CNTNAP3: variants seen among roughly 807,000 people sequenced by gnomAD.
CNTNAP3 encodes the protein contactin associated protein family member 3.
Under a neutral mutation model 92.1 loss-of-function variants are expected in CNTNAP3, and 36 were observed. That is an observed-to-expected ratio of 0.39 (90% CI 0.30 to 0.52). The LOEUF (loss-of-function observed/expected upper bound fraction) is 0.52, where lower values mean the gene tolerates loss of function less well. CNTNAP3 is among the 20% of genes least tolerant of loss of function. The pLI is 0.76. For synonymous variants in CNTNAP3, 232 were observed against 422.3 expected, an observed-to-expected ratio of 0.55 and a Z score of 5.53; for missense variants, 534 against 1,069.6, an observed-to-expected ratio of 0.50 and a Z score of 6.98.
Position 39,072,516 on chromosome 9 carries a change from G to C in CNTNAP3, c.*1374C>G, listed in dbSNP as rs1825651681. Among the ~76,000 whole-genome samples the C allele has an allele frequency of 6.7e-6, 1 of 150,174 alleles. No homozygotes were observed. The highest frequency in any genetic ancestry group is 2.5e-5 in the African/African-American group (1 of 40,458). On this transcript the variant is annotated 3_prime_UTR_variant, in exon 24 of 24. Coordinates refer to ENST00000297668, the MANE Select transcript of CNTNAP3 (RefSeq NM_033655.5). The stretch of plus-strand genomic sequence containing the variant: ...TTCCAATCCTTTGCTGTCTTAGTGT[G>C]TATGTAAACCTTAATGAGACATGTT...
chr9:39,138,360 C>G (rs1273511778), intron 12 of CNTNAP3, among the ~76,000 whole-genome samples: 2 of 152,140 alleles, frequency 1.3e-5, no homozygotes, highest in African/African-American at 4.8e-5. Context: ...AAGAGCTTCT[C>G]AGCCCTCCCT....
intron 12 of CNTNAP3, among the ~76,000 whole-genome samples, chr9:39,136,545 G>A (rs1011487667): frequency 2.6e-5 from 4 of 152,140 alleles, no homozygotes; most frequent in East Asian, 1.9e-4. Context: ...AAGAGAAGTC[G>A]CTGTAATACT....
At chr9:39,104,339 C>T (rs7855742) in intron 15 of CNTNAP3, among the ~76,000 whole-genome samples, 4 of 151,440 alleles carry the variant, frequency 2.6e-5, no homozygotes, top group East Asian at 3.9e-4. Flanking sequence ...GAGGCAGGTT[C>T]GAGCAGCAGC....
chr9:39,085,155 GATT>G (rs1222638871), intron 21 of CNTNAP3: 1 of 145,924 alleles, frequency 6.9e-6, no homozygotes, highest in African/African-American at 2.5e-5. Flanking sequence ...TTTTACAACA[GATT>G]ATGATAGACA....
chr9:39,077,506 G>A (rs1292779524), intron 23 of CNTNAP3, among the ~76,000 whole-genome samples: 2 of 152,026 alleles, frequency 1.3e-5, no homozygotes, highest in Non-Finnish European at 2.9e-5. Context: ...GCAGTAAGTC[G>A]AGATTGCTTC....
Position 39,069,547 on chromosome 9 carries a change from G to T in CNTNAP3, c.*4343C>A, listed in dbSNP as rs1460624590. On this transcript the variant is annotated 3_prime_UTR_variant, in exon 24 of 24. Coordinates refer to ENST00000297668, the MANE Select transcript of CNTNAP3 (RefSeq NM_033655.5). ...AAAATATATAATGGCACAATAAAATGCAAAAATATAATTTTAGGTCATAAC... is the reference window on the plus strand; with the variant it reads ...AAAATATATAATGGCACAATAAAATTCAAAAATATAATTTTAGGTCATAAC... 1.1e-4 allele frequency among the ~76,000 whole-genome samples: 16 copies of T among 151,826 alleles called. No individual in the cohort carries two copies. Among genetic ancestry groups the T allele is most frequent in the Non-Finnish European group, 2.1e-4 (14 of 67,968 alleles).
intron 10 of CNTNAP3, among the ~76,000 whole-genome samples, chr9:39,147,114 C>A (rs1488315748): frequency 1.3e-5 from 2 of 152,124 alleles, no homozygotes; most frequent in Admixed American, 1.3e-4. Flanking sequence ...CCATGTAAGA[C>A]GTGTCTTGAT....
intron 17 of CNTNAP3, among the ~76,000 whole-genome samples, 179 bp from the exon 18 acceptor site, chr9:39,100,329 T>A (rs957747304): frequency 2.0e-5 from 3 of 152,232 alleles, no homozygotes; most frequent in Non-Finnish European, 4.4e-5. Flanking sequence ...TTAAATGACA[T>A]TGAATAAAAC....
At chr9:39,148,250 ACTC>A (rs1427758256) in intron 10 of CNTNAP3, among the ~76,000 whole-genome samples, 2 of 151,880 alleles carry the variant, frequency 1.3e-5, no homozygotes, top group African/African-American at 4.8e-5. Context: ...CACTTCATAT[ACTC>A]CTCATCTTTG....
chr9:39,159,397 T>A (rs941366899), intron 9 of CNTNAP3: 11 of 132,706 alleles, frequency 8.3e-5, no homozygotes, highest in South Asian at 4.6e-4. Context: ...AAAAAACATT[T>A]TATATATATA....
chr9:39,071,122 A>G lies in CNTNAP3; in HGVS notation c.*2768T>C, dbSNP rs1399475535. Among the ~76,000 whole-genome samples the G allele has an allele frequency of 9.9e-5, 15 of 152,144 alleles. No homozygotes were observed. The highest frequency in any genetic ancestry group is 3.6e-4 in the African/African-American group (15 of 41,426). On this transcript the variant is annotated 3_prime_UTR_variant, in exon 24 of 24. Transcript: ENST00000297668. ...AGGGAGCAGGTTAAAAAAATCTTACATGTTAATACATGACTTATCCTACTC... is the reference window on the plus strand; with the variant it reads ...AGGGAGCAGGTTAAAAAAATCTTACGTGTTAATACATGACTTATCCTACTC...
chr9:39,078,524 A>G (rs550996918), intron 22 of CNTNAP3, 68 bp from the exon 23 acceptor site: 6 of 1,605,696 alleles, frequency 3.7e-6, no homozygotes, highest in Non-Finnish European at 5.1e-6. Flanking sequence ...TACACATAGC[A>G]AACTTGTCAA....
chr9:39,132,352 T>C (rs1821313422), intron 13 of CNTNAP3, among the ~76,000 whole-genome samples: 1 of 152,098 alleles, frequency 6.6e-6, no homozygotes, highest in Non-Finnish European at 1.5e-5. Context: ...TTCCAAAACA[T>C]TACTTCCATA....
rs1825627637 is a variant in CNTNAP3 at position 39,071,130 on chromosome 9, A to G, written c.*2760T>C. On this transcript the variant is annotated 3_prime_UTR_variant, in exon 24 of 24. Transcript: ENST00000297668. ...GGTTAAAAAAATCTTACATGTTAATACATGACTTATCCTACTCCATGTCTC... is the reference window on the plus strand; with the variant it reads ...GGTTAAAAAAATCTTACATGTTAATGCATGACTTATCCTACTCCATGTCTC... 6.6e-6 allele frequency among the ~76,000 whole-genome samples: 1 copy of G among 152,182 alleles called. No individual in the cohort carries two copies. The highest frequency in any genetic ancestry group is 1.5e-5 in the Non-Finnish European group (1 of 68,004).
At chr9:39,084,771 G>A (rs548171328) in intron 21 of CNTNAP3, among the ~76,000 whole-genome samples, 1 of 151,992 alleles carries the variant, frequency 6.6e-6, no homozygotes, top group Non-Finnish European at 1.5e-5. Context: ...AAATACAGTT[G>A]TTCAAAGTAT....
At chr9:39,117,284 G>A (rs1820881726) in intron 14 of CNTNAP3, among the ~76,000 whole-genome samples, 1 of 151,990 alleles carries the variant, frequency 6.6e-6, no homozygotes, top group Admixed American at 6.6e-5. Flanking sequence ...GAGCCACAGT[G>A]CCTGGCCTAA....
chr9:39,116,323 A>T (rs949193871), intron 14 of CNTNAP3, among the ~76,000 whole-genome samples: 7 of 152,066 alleles, frequency 4.6e-5, no homozygotes, highest in African/African-American at 1.7e-4. Flanking sequence ...AACAGCCAGG[A>T]GCTGGAGGGC....
rs778768930 is a variant in CNTNAP3, at chr9:39,152,373, A to G, written c.1478-2396T>C. Among the ~76,000 whole-genome samples, 23 of 128,320 alleles carry G rather than the reference A, an allele frequency of 1.8e-4. 1 individual carries two copies. Among genetic ancestry groups the G allele is most frequent in the Non-Finnish European group, 1.6e-5 (1 of 61,058 alleles). 84.2% of individuals were successfully genotyped at this position (128,320 alleles called of 152,430 possible). On this transcript the variant is annotated intron_variant, in intron 9 of 23. Transcript: ENST00000297668. ...CAGACACTTGGAAGTTTAACATTTA[A>G]CACCATATTTGTTTAAAAGTTTGAA...
intron 17 of CNTNAP3, among the ~76,000 whole-genome samples, chr9:39,101,035 G>T (rs1331197802): frequency 6.7e-6 from 1 of 149,270 alleles, no homozygotes; most frequent in Non-Finnish European, 1.5e-5. Context: ...GATTCTAGGT[G>T]AATTTTACGC....
Sources: gnomAD v4.1 joint callset for allele counts (sites outside exome capture counted in the v4.1 genomes callset) on GRCh38, gnomAD v4.1.1 for gene constraint, MANE v1.5 for transcripts, NCBI Gene and HGNC (gene_info 2026-07-23, HGNC 2026-07-21) for gene names.